The following SAMMSON variants were observed in gnomAD, a reference collection of about 807,000 sequenced individuals.
The protein encoded by SAMMSON is survival associated mitochondrial melanoma specific oncogenic non-coding RNA.
chr3:70,137,609 G>T (rs1282919874), intron 4 of SAMMSON: 2 of 152,064 alleles, frequency 1.3e-5, no homozygotes, highest in Non-Finnish European at 2.9e-5. Flanking sequence ...ACATTTGCCA[G>T]TTCCCAGTCT....
chr3:70,041,170 G>T (rs538300903), intron 3 of SAMMSON, among the ~76,000 whole-genome samples: 1 of 152,172 alleles, frequency 6.6e-6, no homozygotes, highest in South Asian at 2.1e-4. Context: ...AAAGACCTTT[G>T]CCAAAGTGTC....
intron 7 of SAMMSON, among the ~76,000 whole-genome samples, chr3:70,296,419 A>G (rs1337156227): frequency 6.6e-6 from 1 of 152,182 alleles, no homozygotes; most frequent in African/African-American, 2.4e-5. Flanking sequence ...TTAGATAACC[A>G]AAATTCAAGA....
At chr3:70,225,424 TC>T (rs923764459) in intron 4 of SAMMSON, among the ~76,000 whole-genome samples, 5 of 152,204 alleles carry the variant, frequency 3.3e-5, no homozygotes, top group South Asian at 2.1e-4. Context: ...TTCACATTGA[TC>T]TTTTTTTATA....
chr3:70,177,694 G>T (rs1701018278), intron 4 of SAMMSON, among the ~76,000 whole-genome samples: 1 of 152,100 alleles, frequency 6.6e-6, no homozygotes, highest in Admixed American at 6.5e-5. Context: ...ATCCTATGGG[G>T]TCCTCACAGT....
intron 4 of SAMMSON, among the ~76,000 whole-genome samples, chr3:70,235,807 A>G (rs749790791): frequency 2.6e-5 from 4 of 152,200 alleles, no homozygotes; most frequent in African/African-American, 7.2e-5. Context: ...ATCTATAGAA[A>G]AGAAATAATT....
chr3:70,070,467 T>A (rs1382257185), intron 3 of SAMMSON: 2 of 152,010 alleles, frequency 1.3e-5, no homozygotes, highest in East Asian at 3.9e-4. Context: ...TATCATTTTG[T>A]TGTATGGTAT....
intron 3 of SAMMSON, among the ~76,000 whole-genome samples, chr3:70,060,733 G>A (rs2067184713): frequency 1.3e-5 from 2 of 152,062 alleles, no homozygotes; most frequent in Admixed American, 1.3e-4. Flanking sequence ...AGAATGATCT[G>A]GCCCAACATG....
At chr3:70,001,962 G>A (rs1021474444) in intron 1 of SAMMSON, among the ~76,000 whole-genome samples, 13 of 152,142 alleles carry the variant, frequency 8.5e-5, no homozygotes, top group African/African-American at 3.1e-4. Context: ...GCTTGCATAA[G>A]CCAGAATTAA....
At chr3:70,272,430 T>C (rs990206892) in intron 6 of SAMMSON, 2 of 152,252 alleles carry the variant, frequency 1.3e-5, no homozygotes, top group African/African-American at 4.8e-5. Context: ...ATCCGTGTTG[T>C]TGAGTTCATT....
chr3:70,211,661 C>CCCTTTCCCTTCCCTTTCCTT, intron 4 of SAMMSON, among the ~76,000 whole-genome samples: 1 of 114,630 alleles, frequency 8.7e-6, no homozygotes, highest in Non-Finnish European at 1.8e-5. Flanking sequence ...CCCTTCCCTT[C>CCCTTTCCCTTCCCTTTCCTT]CCTTTCCCTT....
At chr3:70,134,255 A>T (rs1180279638) in intron 4 of SAMMSON, among the ~76,000 whole-genome samples, 2 of 134,026 alleles carry the variant, frequency 1.5e-5, no homozygotes, top group African/African-American at 5.7e-5. Flanking sequence ...ACGAGATTCC[A>T]TCTCAAAAAA....
At chr3:70,183,159 T>G (rs910295057) in intron 4 of SAMMSON, among the ~76,000 whole-genome samples, 1 of 152,206 alleles carries the variant, frequency 6.6e-6, no homozygotes, top group African/African-American at 2.4e-5. Flanking sequence ...CTGTGAAGTA[T>G]GAAGATGAAA....
chr3:70,241,093 C>T (rs11916204), intron 4 of SAMMSON, among the ~76,000 whole-genome samples: 1,880 of 152,192 alleles, frequency 0.012, 45 homozygotes, highest in African/African-American at 0.041. Flanking sequence ...ACACTGACTT[C>T]TGTGACTTCT....
At chr3:70,005,601 A>G (rs919520106) in intron 1 of SAMMSON, among the ~76,000 whole-genome samples, 1 of 152,110 alleles carries the variant, frequency 6.6e-6, no homozygotes, top group Non-Finnish European at 1.5e-5. Context: ...CACCAGCCAA[A>G]GCAGGTCACA....
chr3:70,333,904 C>G (rs575194216), intron 7 of SAMMSON, among the ~76,000 whole-genome samples: 6 of 152,172 alleles, frequency 3.9e-5, no homozygotes, highest in Non-Finnish European at 8.8e-5. Context: ...CAATTTCTTA[C>G]ATATTGGTTG....
intron 2 of SAMMSON, among the ~76,000 whole-genome samples, chr3:70,433,138 A>G (rs1395499680): frequency 6.6e-6 from 1 of 152,096 alleles, no homozygotes. Flanking sequence ...GCACATTTCT[A>G]TGTGGATATA....
chr3:70,019,999 C>G (rs9841257), intron 3 of SAMMSON, among the ~76,000 whole-genome samples: 5,367 of 152,140 alleles, frequency 0.035, 300 homozygotes, highest in African/African-American at 0.12. Context: ...TCCAGAAGCT[C>G]AGGAAATTCT....
rs544522673 is a variant in SAMMSON, at chr3:70,015,571, T to C, written n.417+1899T>C. On this transcript the variant is annotated intron_variant and non_coding_transcript_variant, in intron 3 of 9. Transcript: ENST00000642114. The stretch of plus-strand genomic sequence containing the variant: ...GTCTTACTTGAGGTGTCTTTCTTTC[T>C]TTGTTTATTATACTTTAAGTTCTAG... 9.2e-5 allele frequency among the ~76,000 whole-genome samples: 14 copies of C among 152,272 alleles called. No individual in the cohort carries two copies. The South Asian group carries it at 2.3e-3, about 25-fold the overall frequency.
At chr3:70,097,785 C>G (rs2067327935) in intron 4 of SAMMSON, among the ~76,000 whole-genome samples, 1 of 152,126 alleles carries the variant, frequency 6.6e-6, no homozygotes, top group African/African-American at 2.4e-5. Flanking sequence ...TTAAAAGACC[C>G]TATATTCATC....
Sources: allele counts gnomAD v4.1 joint callset (sites outside exome capture counted in the v4.1 genomes callset), GRCh38; gene constraint gnomAD v4.1.1; transcripts MANE v1.5; gene names NCBI Gene and HGNC (gene_info 2026-07-23, HGNC 2026-07-21).